The following GRM7 variants were observed in gnomAD, a reference collection of about 807,000 sequenced individuals.
GRM7 encodes glutamate metabotropic receptor 7, also known as metabotropic glutamate receptor 7.
Under a neutral mutation model 84.5 loss-of-function variants are expected in GRM7, and 35 were observed. The observed-to-expected ratio is 0.41, with a 90% confidence interval of 0.32 to 0.55. The LOEUF (loss-of-function observed/expected upper bound fraction) is 0.55, where lower values mean the gene tolerates loss of function less well. Among genes scored for constraint, GRM7 ranks in the 20% least tolerant of loss-of-function variants. The pLI is 0.19. For missense variants in GRM7, 1,003 were observed against 1,194.6 expected, an observed-to-expected ratio of 0.84 and a Z score of 2.36; for synonymous variants, 487 against 455.1, an observed-to-expected ratio of 1.07 and a Z score of -0.89.
At position 7,572,837 on chromosome 3, in the gene GRM7, T is replaced by A. The variant is rs1448999312; in HGVS notation, c.1516-5585T>A. 4.8e-4 allele frequency among the ~76,000 whole-genome samples: 6 copies of A among 12,540 alleles called. 1 individual carries two copies. The highest frequency in any genetic ancestry group is 5.0e-3 in the East Asian group (2 of 402). 8.2% of individuals were successfully genotyped at this position (12,540 alleles called of 152,430 possible). On this transcript the variant is annotated intron_variant, in intron 7 of 9. Coordinates refer to ENST00000357716, the MANE Select transcript of GRM7 (RefSeq NM_000844.4). ...ACTCTATCTCAAATATATATATATA[T>A]ATATATATATATATATATATATATA... is the stretch of plus-strand genomic sequence containing the variant.
rs778385878 is a variant in GRM7, at chr3:7,059,977, C to T, written c.520-86475C>T. The stretch of plus-strand genomic sequence containing the variant: ...AGCCCAGCTGGACTGCAGCACAATT[C>T]TTAGAATGGAGTAGAGTATACATAT... On this transcript the variant is annotated intron_variant, in intron 1 of 9. Coordinates refer to ENST00000357716, the MANE Select transcript of GRM7 (RefSeq NM_000844.4). 2.6e-5 allele frequency among the ~76,000 whole-genome samples: 4 copies of T among 151,920 alleles called. No homozygotes were observed. In the East Asian group the frequency reaches 7.8e-4, roughly 30 times the overall value.
chr3:7,033,672 T>A (rs1038572344), intron 1 of GRM7, among the ~76,000 whole-genome samples: 3 of 152,160 alleles, frequency 2.0e-5, no homozygotes, highest in African/African-American at 7.2e-5. Context: ...AGTCTCTTAG[T>A]CTCCTTTCTC....
At chr3:7,336,175 T>C (rs1701413217) in intron 4 of GRM7, among the ~76,000 whole-genome samples, 1 of 151,962 alleles carries the variant, frequency 6.6e-6, no homozygotes, top group African/African-American at 2.4e-5. Context: ...TCCAACAGCA[T>C]ATCCAAAAGA....
At chr3:7,378,213 G>T (rs1321263757) in intron 4 of GRM7, among the ~76,000 whole-genome samples, 1 of 152,112 alleles carries the variant, frequency 6.6e-6, no homozygotes, top group African/African-American at 2.4e-5. Context: ...TTAGCTTCTA[G>T]TCCTCAAAGA....
At chr3:7,634,509 G>A (rs1697991654) in intron 8 of GRM7, among the ~76,000 whole-genome samples, 1 of 118,176 alleles carries the variant, frequency 8.5e-6, no homozygotes, top group Non-Finnish European at 1.7e-5. Context: ...AAAAGGGCTG[G>A]GCTCCATGGC....
intron 7 of GRM7, among the ~76,000 whole-genome samples, chr3:7,469,091 G>C (rs185023175): frequency 6.6e-6 from 1 of 152,112 alleles, no homozygotes. Context: ...AATATTAAAA[G>C]GATAACTAGG....
At chr3:7,691,051 G>T in intron 9 of GRM7, 2 of 403,884 alleles carry the variant, frequency 5.0e-6, no homozygotes, top group Admixed American at 6.3e-5. Flanking sequence ...TTTTTTTTTT[G>T]GCTGTACAGT....
chr3:6,990,261 T>A (rs1318265473), intron 1 of GRM7, among the ~76,000 whole-genome samples: 1 of 152,210 alleles, frequency 6.6e-6, no homozygotes, highest in Middle Eastern at 3.2e-3. Flanking sequence ...TTTAGTCTGT[T>A]GCTTCCTTAA....
intron 2 of GRM7, among the ~76,000 whole-genome samples, chr3:7,294,317 TG>T (rs1699740482): frequency 6.6e-6 from 1 of 152,176 alleles, no homozygotes; most frequent in African/African-American, 2.4e-5. Flanking sequence ...CCCCTTCTGT[TG>T]CTGAGAAGAT....
At chr3:7,230,782 A>AGTGT (rs998891265) in intron 2 of GRM7, among the ~76,000 whole-genome samples, 4 of 152,348 alleles carry the variant, frequency 2.6e-5, no homozygotes, top group South Asian at 2.1e-4. Flanking sequence ...AACAGCATTA[A>AGTGT]GTGTGCCTCA....
intron 7 of GRM7, among the ~76,000 whole-genome samples, chr3:7,498,661 A>C (rs1167003572): frequency 1.3e-5 from 2 of 152,228 alleles, no homozygotes; most frequent in Non-Finnish European, 2.9e-5. Context: ...GTAGATTCTC[A>C]GTGTTTTTAA....
intron 1 of GRM7, among the ~76,000 whole-genome samples, chr3:6,927,688 A>C (rs867868714): frequency 9.2e-5 from 14 of 152,232 alleles, no homozygotes; most frequent in Non-Finnish European, 1.9e-4. Context: ...TTTTATACAC[A>C]GTTTAATAAT....
chr3:7,563,983 A>C (rs1422013319), intron 7 of GRM7, among the ~76,000 whole-genome samples: 1 of 152,158 alleles, frequency 6.6e-6, no homozygotes, highest in African/African-American at 2.4e-5. Context: ...TGTTTAATTT[A>C]AGCCAGCCAT....
rs557285702 is a variant in GRM7, at chr3:7,324,707, C to T, written c.1033+18055C>T. ...TTTCTGCTAAGGAATTCTGGCATCT[C>T]GACTTCATTTAAAGCCGTTGCTTTT... On this transcript the variant is annotated intron_variant, in intron 4 of 9. Coordinates refer to ENST00000357716, the MANE Select transcript of GRM7 (RefSeq NM_000844.4). Among the ~76,000 whole-genome samples the T allele has an allele frequency of 1.6e-3, 248 of 152,100 alleles. 1 individual carries two copies. Among genetic ancestry groups the T allele is most frequent in the African/African-American group, 5.6e-3 (233 of 41,500 alleles).
intron 1 of GRM7, among the ~76,000 whole-genome samples, chr3:7,033,268 A>T (rs1696253486): frequency 6.6e-6 from 1 of 152,034 alleles, no homozygotes; most frequent in African/African-American, 2.4e-5. Context: ...ATCATAACGG[A>T]TTATATCTGC....
intron 2 of GRM7, among the ~76,000 whole-genome samples, chr3:7,216,002 T>A (rs764100227): frequency 1.3e-5 from 2 of 152,154 alleles, no homozygotes; most frequent in Non-Finnish European, 2.9e-5. Flanking sequence ...TGTAAAATAT[T>A]CACTATTTAA....
At chr3:7,576,867 G>A (rs759381052) in intron 7 of GRM7, among the ~76,000 whole-genome samples, 66 of 152,142 alleles carry the variant, frequency 4.3e-4, no homozygotes, top group Non-Finnish European at 6.9e-4. Flanking sequence ...AAACTTCAAA[G>A]TATTTTAACA....
chr3:7,367,301 AT>A (rs200401589), intron 4 of GRM7, among the ~76,000 whole-genome samples: 37 of 149,780 alleles, frequency 2.5e-4, no homozygotes, highest in Non-Finnish European at 3.4e-4. Flanking sequence ...ATTTCCAGTG[AT>A]TTTTTTTTGC....
intron 2 of GRM7, among the ~76,000 whole-genome samples, chr3:7,235,798 C>A (rs757333727): frequency 3.3e-5 from 5 of 152,054 alleles, no homozygotes; most frequent in Non-Finnish European, 7.4e-5. Flanking sequence ...AGAATTAAGT[C>A]TATTTTTCAC....
Sources: gnomAD v4.1 joint callset for allele counts (sites outside exome capture counted in the v4.1 genomes callset) on GRCh38, gnomAD v4.1.1 for gene constraint, MANE v1.5 for transcripts, NCBI Gene and HGNC (gene_info 2026-07-23, HGNC 2026-07-21) for gene names.